Variants in RBM33 observed in about 807,000 individuals in gnomAD.
The protein encoded by RBM33 is RNA binding motif protein 33, also known as RNA-binding protein 33.
A neutral mutation model predicts 132.6 loss-of-function variants in RBM33; 28 were observed. The ratio of observed to expected loss-of-function variants is 0.21; its 90% CI spans 0.16 to 0.29. RBM33 has a LOEUF of 0.29. RBM33 is among the 10% of genes least tolerant of loss of function. The probability of loss-of-function intolerance (pLI) is 1.00; values close to 1 mark genes in which losing one functional copy is unlikely to be tolerated. For synonymous variants in RBM33, 634 were observed against 593.0 expected (o/e 1.07, Z -1.01); for missense variants, 1,291 against 1,518.5 (o/e 0.85, Z 2.49).
intron 6 of RBM33, among the ~76,000 whole-genome samples, chr7:155,703,535 G>A (rs1800026919): frequency 6.6e-6 from 1 of 152,166 alleles, no homozygotes; most frequent in Admixed American, 6.5e-5. Flanking sequence ...TTTCTGTTCC[G>A]TATTACTTAA....
intron 5 of RBM33, among the ~76,000 whole-genome samples, chr7:155,691,261 G>A (rs557083944): frequency 4.3e-4 from 65 of 151,956 alleles, no homozygotes; most frequent in Non-Finnish European, 6.6e-4. Context: ...TGATCGAATC[G>A]GCTACTGAAG....
At chr7:155,701,053 G>A in intron 6 of RBM33, 109 bp downstream of exon 6, 1 of 954,524 alleles carries the variant, frequency 1.0e-6, no homozygotes, top group African/African-American at 1.6e-5. Context: ...GGTAATTGCG[G>A]CTGCCGTCCG....
At chr7:155,653,059 T>C (rs745909466) in intron 1 of RBM33, among the ~76,000 whole-genome samples, 1 of 152,180 alleles carries the variant, frequency 6.6e-6, no homozygotes, top group Non-Finnish European at 1.5e-5. Flanking sequence ...TAAATAATAT[T>C]CCATTATATA....
intron 1 of RBM33, among the ~76,000 whole-genome samples, chr7:155,659,437 C>A (rs1304682860): frequency 6.6e-6 from 1 of 151,896 alleles, no homozygotes; most frequent in Non-Finnish European, 1.5e-5. Context: ...TTCTGGAACT[C>A]AAAAGTACAG....
At chr7:155,724,990 T>A in intron 9 of RBM33, among the ~76,000 whole-genome samples, 1 of 123,366 alleles carries the variant, frequency 8.1e-6, no homozygotes. Flanking sequence ...GTGTACAGGT[T>A]TGTGTGTGTG....
chr7:155,775,050 A>C lies in RBM33; in HGVS notation c.*9A>C, dbSNP rs758353404. ...CCCTGATCGTGGAGTGAGTCCTAAC[A>C]AGAGAGCCTGACCTTAGGCTGTACA... is the stretch of plus-strand genomic sequence containing the variant. On this transcript the variant is annotated 3_prime_UTR_variant, in exon 18 of 18. Transcript: ENST00000401878. 1.9e-6 allele frequency: 3 copies of C among 1,611,752 alleles called. No homozygotes were observed. The highest frequency in any genetic ancestry group is 2.5e-6 in the Non-Finnish European group (3 of 1,177,894).
chr7:155,718,660 C>A (rs1800535935), intron 9 of RBM33, among the ~76,000 whole-genome samples: 1 of 152,128 alleles, frequency 6.6e-6, no homozygotes, highest in Admixed American at 6.5e-5. Flanking sequence ...ATTGTTGAAT[C>A]AGGATCATCA....
At position 155,667,308 on chromosome 7, in the gene RBM33, G is replaced by T. The variant is rs544177334; in HGVS notation, c.122+2055G>T. On this transcript the variant is annotated intron_variant, in intron 2 of 17. Transcript: ENST00000401878. Reference sequence around the variant, plus strand: ...TGTTTCTCTGTCACGCAGGTGGAGTGTAGTGGCGTGATCATAGCAAGCAGG... The same window carrying T: ...TGTTTCTCTGTCACGCAGGTGGAGTTTAGTGGCGTGATCATAGCAAGCAGG... Among the ~76,000 whole-genome samples the T allele has an allele frequency of 2.4e-4, 36 of 152,186 alleles. No individual in the cohort carries two copies. In the East Asian group the frequency reaches 3.3e-3, roughly 14 times the overall value.
In RBM33 at chr7:155,739,957, C is replaced by A; in HGVS notation, c.1980C>A (p.His660Gln). ...MPMSQPQFRP[H>Q]VQTAQPQASS... ...TGTCTCAGCCACAGTTCCGGCCTCA[C>A]GTACAGACCGCTCAGCCTCAGGCCA... Residue 660 changes from histidine to glutamine, a missense_variant, in exon 12 of 18, where the codon CAC (histidine) becomes CAA (glutamine). His to Gln is a conservative substitution (Grantham distance 24). Coordinates refer to ENST00000401878, the MANE Select transcript of RBM33 (RefSeq NM_053043.3). 1 of 1,560,274 alleles carries A rather than the reference C, an allele frequency of 6.4e-7. No individual in the cohort carries two copies.
chr7:155,682,077 C>T (rs1046994126), intron 5 of RBM33, among the ~76,000 whole-genome samples: 10 of 152,074 alleles, frequency 6.6e-5, no homozygotes, highest in Non-Finnish European at 7.4e-5. Flanking sequence ...CCCACCATCA[C>T]GCCTGGCTGA....
At chr7:155,688,051 A>G (rs1238267454) in intron 5 of RBM33, among the ~76,000 whole-genome samples, 3 of 152,290 alleles carry the variant, frequency 2.0e-5, no homozygotes, top group African/African-American at 7.2e-5. Flanking sequence ...CATTGAATCT[A>G]TAAATTACCT....
intron 9 of RBM33, among the ~76,000 whole-genome samples, chr7:155,720,575 A>G (rs1800592889): frequency 6.6e-6 from 1 of 152,212 alleles, no homozygotes; most frequent in African/African-American, 2.4e-5. Flanking sequence ...TGAACATTTA[A>G]TGAGGATCTA....
Position 155,707,422 on chromosome 7 carries a change from T to C in RBM33, c.948+354T>C, listed in dbSNP as rs41271208. 4.6e-3 allele frequency: 1,930 copies of C among 418,698 alleles called. 13 individuals are homozygous for C. Among genetic ancestry groups the C allele is most frequent in the Non-Finnish European group, 6.3e-3 (1,323 of 208,956 alleles). The allele number at this position is 418,698 out of a possible 1,614,324, so 25.9% of individuals were successfully genotyped here. The stretch of plus-strand genomic sequence containing the variant: ...TACATTTGAGAGATGTTATTACAGA[T>C]AGAATTTAGGCAGAAGTTGTTTATT... On this transcript the variant is annotated intron_variant, in intron 7 of 17. Transcript: ENST00000401878.
chr7:155,741,225 TC>T lies in RBM33; in HGVS notation c.2050-588del, dbSNP rs780876957. 6.2e-5 allele frequency among the ~76,000 whole-genome samples: 9 copies of T among 145,436 alleles called. No homozygotes were observed. In the East Asian group the frequency reaches 8.7e-4, roughly 14 times the overall value. ...CTCGGAGATCCCCCTGCTTCCCCCC[TC>T]CCCCCTTCCAGCTCTCTCGTGTTCT... On this transcript the variant is annotated intron_variant, in intron 12 of 17. Transcript: ENST00000401878.
rs369116329 is a variant in RBM33, at chr7:155,673,768, GCACACACACACACA to G, written c.171+873_171+886del. Among the ~76,000 whole-genome samples, 36 of 132,980 alleles carry G rather than the reference GCACACACACACACA, an allele frequency of 2.7e-4. 4 individuals carry two copies. Among genetic ancestry groups the G allele is most frequent in the African/African-American group, 1.0e-3 (31 of 30,892 alleles). 87.2% of individuals were successfully genotyped at this position (132,980 alleles called of 152,430 possible). On this transcript the variant is annotated intron_variant, in intron 3 of 17. Coordinates refer to ENST00000401878, the MANE Select transcript of RBM33 (RefSeq NM_053043.3). ...CACGTGTATATACGCGCGCATGCGC[GCACACACACACACA>G]CACACACACACACACACACCCCTAC...
chr7:155,716,500 G>C (rs1800467756), intron 8 of RBM33, among the ~76,000 whole-genome samples: 1 of 151,874 alleles, frequency 6.6e-6, no homozygotes, highest in Non-Finnish European at 1.5e-5. Context: ...TATCGTGTTG[G>C]AATGTTTTGG....
intron 5 of RBM33, 114 bp from the exon 6 acceptor site, chr7:155,700,659 A>G (rs1424565578): frequency 1.1e-5 from 8 of 707,038 alleles, no homozygotes; most frequent in Non-Finnish European, 1.7e-5. Flanking sequence ...GACATTTTGC[A>G]GTATTTTTTA....
chr7:155,749,446 T>C (rs1801625506), intron 14 of RBM33, among the ~76,000 whole-genome samples: 1 of 152,258 alleles, frequency 6.6e-6, no homozygotes, highest in Non-Finnish European at 1.5e-5. Context: ...GGGTTAGTGC[T>C]GAATCTTACG....
At chr7:155,664,561 C>T (rs946880227) in intron 1 of RBM33, among the ~76,000 whole-genome samples, 5 of 151,990 alleles carry the variant, frequency 3.3e-5, no homozygotes, top group East Asian at 1.9e-4. Flanking sequence ...CATGAGCCAC[C>T]GCGCCCAGCC....
Sources: gnomAD v4.1 joint callset for allele counts (sites outside exome capture counted in the v4.1 genomes callset) on GRCh38, gnomAD v4.1.1 for gene constraint, MANE v1.5 for transcripts, NCBI Gene and HGNC (gene_info 2026-07-23, HGNC 2026-07-21) for gene names.